The following NXPH1 variants were observed in gnomAD, a reference collection of about 807,000 sequenced individuals.
The protein encoded by NXPH1 is neurexophilin 1.
NXPH1 carries 5 observed loss-of-function variants against 23.7 expected under a neutral mutation model. The observed-to-expected ratio is 0.21, with a 90% CI of 0.11 to 0.44. The LOEUF (loss-of-function observed/expected upper bound fraction) is 0.44, where lower values mean the gene tolerates loss of function less well. Ranked by LOEUF, NXPH1 falls within the 20% of genes least tolerant of loss-of-function variation. The probability of loss-of-function intolerance (pLI) is 0.99; values close to 1 mark genes in which losing one functional copy is unlikely to be tolerated. For synonymous variants in NXPH1, 144 were observed against 122.2 expected (o/e 1.18, Z -1.18); for missense variants, 324 against 321.6 (o/e 1.01, Z -0.06).
intron 2 of NXPH1, among the ~76,000 whole-genome samples, chr7:8,524,666 T>C (rs989981618): frequency 6.6e-6 from 1 of 152,148 alleles, no homozygotes; most frequent in Non-Finnish European, 1.5e-5. Flanking sequence ...CTGGGGGAGA[T>C]AATTGAATCA....
chr7:8,665,614 G>A (rs1301750573), intron 2 of NXPH1, among the ~76,000 whole-genome samples: 1 of 151,866 alleles, frequency 6.6e-6, no homozygotes, highest in Non-Finnish European at 1.5e-5. Flanking sequence ...TGGGCTGTAT[G>A]AACATTTTAA....
chr7:8,692,830 G>C (rs1297935072), intron 2 of NXPH1, among the ~76,000 whole-genome samples: 1 of 152,176 alleles, frequency 6.6e-6, no homozygotes, highest in Non-Finnish European at 1.5e-5. Context: ...CTGTGTGTAA[G>C]TAGGTTGTTA....
chr7:8,683,367 C>T (rs1375016720), intron 2 of NXPH1, among the ~76,000 whole-genome samples: 1 of 152,166 alleles, frequency 6.6e-6, no homozygotes, highest in Non-Finnish European at 1.5e-5. Flanking sequence ...AACTGTTACA[C>T]TGGCTGAATT....
At chr7:8,517,511 G>T (rs1817705360) in intron 2 of NXPH1, among the ~76,000 whole-genome samples, 1 of 152,140 alleles carries the variant, frequency 6.6e-6, no homozygotes, top group African/African-American at 2.4e-5. Context: ...AAGAAGTGGA[G>T]TCTGGAGTGA....
At chr7:8,560,597 G>A (rs1818427324) in intron 2 of NXPH1, among the ~76,000 whole-genome samples, 1 of 151,642 alleles carries the variant, frequency 6.6e-6, no homozygotes, top group Admixed American at 6.6e-5. Flanking sequence ...GGGGCCCTAA[G>A]GGAAAATCAA....
At chr7:8,708,581 G>A (rs1779739029) in intron 2 of NXPH1, among the ~76,000 whole-genome samples, 1 of 151,478 alleles carries the variant, frequency 6.6e-6, no homozygotes, top group South Asian at 2.1e-4. Context: ...AGGCTGGTCT[G>A]TAACTCCTGA....
At chr7:8,631,419 G>C (rs184492416) in intron 2 of NXPH1, among the ~76,000 whole-genome samples, 38 of 152,244 alleles carry the variant, frequency 2.5e-4, no homozygotes, top group Admixed American at 1.4e-3. Flanking sequence ...ATCAAAAATT[G>C]ACAAATGGAA....
intron 2 of NXPH1, among the ~76,000 whole-genome samples, chr7:8,643,525 A>C (rs978063297): frequency 4.6e-5 from 7 of 152,082 alleles, no homozygotes; most frequent in African/African-American, 1.7e-4. Flanking sequence ...TTAATATGAC[A>C]ATTTGACTGA....
intron 2 of NXPH1, among the ~76,000 whole-genome samples, chr7:8,549,012 G>C (rs117983365): frequency 0.012 from 1,831 of 151,592 alleles, 24 homozygotes; most frequent in Non-Finnish European, 0.017. Flanking sequence ...AGTAAAAGCT[G>C]TTGTAGAACT....
intron 2 of NXPH1, among the ~76,000 whole-genome samples, chr7:8,648,129 A>G (rs112062938): frequency 6.8e-6 from 1 of 148,090 alleles, no homozygotes; most frequent in Non-Finnish European, 1.5e-5. Flanking sequence ...TGGGGTATCC[A>G]TCCCCTCAAG....
intron 2 of NXPH1, among the ~76,000 whole-genome samples, chr7:8,669,049 GTC>G (rs759849487): frequency 2.6e-5 from 4 of 152,170 alleles, no homozygotes; most frequent in Non-Finnish European, 4.4e-5. Context: ...TGGAATTTGG[GTC>G]CACAGGGATG....
At chr7:8,734,830 C>G (rs540840579) in intron 2 of NXPH1, among the ~76,000 whole-genome samples, 20 of 152,010 alleles carry the variant, frequency 1.3e-4, no homozygotes, top group African/African-American at 4.6e-4. Context: ...GTCTAAGTCT[C>G]TTTGTAGTTC....
intron 2 of NXPH1, among the ~76,000 whole-genome samples, chr7:8,500,187 G>A (rs1054854098): frequency 1.1e-4 from 16 of 152,056 alleles, no homozygotes; most frequent in Admixed American, 6.6e-4. Flanking sequence ...AGGCTTTTTG[G>A]TGTCTGGCAT....
At chr7:8,721,683 C>T (rs1056541062) in intron 2 of NXPH1, among the ~76,000 whole-genome samples, 3 of 152,162 alleles carry the variant, frequency 2.0e-5, no homozygotes, top group Admixed American at 1.3e-4. Flanking sequence ...GAGGCTGAGG[C>T]AGGAGATGGC....
At chr7:8,530,191 G>A (rs1817929054) in intron 2 of NXPH1, among the ~76,000 whole-genome samples, 1 of 152,160 alleles carries the variant, frequency 6.6e-6, no homozygotes, top group African/African-American at 2.4e-5. Flanking sequence ...AGGGTAGCTG[G>A]TTGGCTAAGG....
intron 2 of NXPH1, among the ~76,000 whole-genome samples, chr7:8,465,149 A>G (rs1203568351): frequency 6.6e-6 from 1 of 152,260 alleles, no homozygotes; most frequent in Non-Finnish European, 1.5e-5. Context: ...GATCTCCCCA[A>G]AATCTAAAAG....
chr7:8,577,110 C>A (rs576274055), intron 2 of NXPH1, among the ~76,000 whole-genome samples: 1 of 152,186 alleles, frequency 6.6e-6, no homozygotes, highest in Non-Finnish European at 1.5e-5. Flanking sequence ...ATTCTAAAAG[C>A]TCAAATCCTC....
Position 8,697,700 on chromosome 7 carries a change from A to G in NXPH1, c.55-53308A>G, listed in dbSNP as rs184187376. On this transcript the variant is annotated intron_variant, in intron 2 of 2. Coordinates refer to ENST00000405863, the MANE Select transcript of NXPH1 (RefSeq NM_152745.3). Reference sequence around the variant, plus strand: ...GAATGAACAAAGTATCTGTTATGGAAAATGCTTACTCAATATTTAGGTGAA... The same window carrying G: ...GAATGAACAAAGTATCTGTTATGGAGAATGCTTACTCAATATTTAGGTGAA... 2.6e-3 allele frequency among the ~76,000 whole-genome samples: 393 copies of G among 152,328 alleles called. 1 individual carries two copies. Among genetic ancestry groups the G allele is most frequent in the Middle Eastern group, 0.01 (3 of 294 alleles).
At chr7:8,492,547 A>G (rs767423510) in intron 2 of NXPH1, among the ~76,000 whole-genome samples, 1 of 151,856 alleles carries the variant, frequency 6.6e-6, no homozygotes, top group Non-Finnish European at 1.5e-5. Flanking sequence ...GGGGGACACA[A>G]TGGTGAATAA....
Sources: gnomAD v4.1 joint callset for allele counts (sites outside exome capture counted in the v4.1 genomes callset) on GRCh38, gnomAD v4.1.1 for gene constraint, MANE v1.5 for transcripts, NCBI Gene and HGNC (gene_info 2026-07-23, HGNC 2026-07-21) for gene names.